Variants in SND1 observed in about 807,000 individuals in gnomAD.
SND1 encodes staphylococcal nuclease and tudor domain containing 1, also known as staphylococcal nuclease domain-containing protein 1.
Under a neutral mutation model 121.7 loss-of-function variants are expected in SND1, and 38 were observed. The ratio of observed to expected loss-of-function variants is 0.31; its 90% CI spans 0.24 to 0.41. The LOEUF (loss-of-function observed/expected upper bound fraction) is 0.41. Among genes scored for constraint, SND1 ranks in the 10% least tolerant of loss-of-function variants. SND1 has a pLI of 1.00. For missense variants in SND1, 868 were observed against 1,184.6 expected (o/e 0.73, Z 3.92); for synonymous variants, 401 against 447.4 (o/e 0.90, Z 1.31).
intron 10 of SND1, among the ~76,000 whole-genome samples, chr7:127,790,858 G>A (rs1005655402): frequency 1.3e-5 from 2 of 152,140 alleles, no homozygotes; most frequent in Non-Finnish European, 2.9e-5. Flanking sequence ...CACTGCTGTG[G>A]CAGTCACATC....
intron 1 of SND1, among the ~76,000 whole-genome samples, chr7:127,679,790 A>G (rs1418445800): frequency 6.6e-6 from 1 of 152,248 alleles, no homozygotes; most frequent in Non-Finnish European, 1.5e-5. Flanking sequence ...TCTGAATTAT[A>G]TTCCAATTGT....
At chr7:127,777,164 A>T (rs1797635652) in intron 10 of SND1, among the ~76,000 whole-genome samples, 1 of 152,212 alleles carries the variant, frequency 6.6e-6, no homozygotes. Flanking sequence ...GTTCCACTGC[A>T]TTTTATGATC....
At chr7:128,024,920 G>A (rs1449046017) in intron 16 of SND1, among the ~76,000 whole-genome samples, 1 of 152,164 alleles carries the variant, frequency 6.6e-6, no homozygotes, top group Non-Finnish European at 1.5e-5. Flanking sequence ...GGTCCAGTAG[G>A]TGTTTTAAGA....
intron 15 of SND1, among the ~76,000 whole-genome samples, chr7:127,983,478 A>G (rs2116905191): frequency 6.6e-6 from 1 of 152,246 alleles, no homozygotes; most frequent in East Asian, 1.9e-4. Context: ...AAACTAGATG[A>G]GATACTCTTG....
chr7:128,068,388 C>A (rs1793353755), intron 16 of SND1, among the ~76,000 whole-genome samples: 1 of 152,142 alleles, frequency 6.6e-6, no homozygotes, highest in South Asian at 2.1e-4. Context: ...CACTTCTCTT[C>A]CTTTCTCCAG....
chr7:127,983,712 T>C (rs1018077097), intron 15 of SND1, among the ~76,000 whole-genome samples: 1 of 152,128 alleles, frequency 6.6e-6, no homozygotes, highest in African/African-American at 2.4e-5. Flanking sequence ...TCAATAATAT[T>C]GAATATTATT....
At chr7:127,796,252 A>G (rs1584579353) in intron 10 of SND1, among the ~76,000 whole-genome samples, 1 of 152,264 alleles carries the variant, frequency 6.6e-6, no homozygotes, top group African/African-American at 2.4e-5. Flanking sequence ...CCTTCATTCT[A>G]TGAATTTGCT....
At chr7:127,783,835 A>C (rs894077395) in intron 10 of SND1, among the ~76,000 whole-genome samples, 1 of 152,230 alleles carries the variant, frequency 6.6e-6, no homozygotes, top group African/African-American at 2.4e-5. Context: ...TCATGTATGA[A>C]ATAGTATGGT....
intron 16 of SND1, chr7:128,030,423 A>G: frequency 6.2e-7 from 1 of 1,613,888 alleles, no homozygotes. Context: ...GTTCGAGGGA[A>G]TACCCTGCGG....
intron 15 of SND1, among the ~76,000 whole-genome samples, chr7:127,990,711 C>T (rs1370967482): frequency 1.3e-5 from 2 of 152,192 alleles, no homozygotes; most frequent in Admixed American, 1.3e-4. Context: ...TTCCCAGATG[C>T]TGTGGCTGAG....
chr7:127,777,700 G>A (rs1193117781), intron 10 of SND1, among the ~76,000 whole-genome samples: 2 of 152,182 alleles, frequency 1.3e-5, no homozygotes, highest in Non-Finnish European at 2.9e-5. Flanking sequence ...AAATCAGTTG[G>A]TTTTGAGATC....
chr7:127,842,920 G>A (rs1798989884), intron 11 of SND1, among the ~76,000 whole-genome samples: 1 of 152,104 alleles, frequency 6.6e-6, no homozygotes, highest in Admixed American at 6.5e-5. Context: ...TTAAATACAG[G>A]TTTTCAAAGT....
chr7:127,764,098 A>G (rs1219133040), intron 10 of SND1, among the ~76,000 whole-genome samples: 1 of 152,030 alleles, frequency 6.6e-6, no homozygotes, highest in East Asian at 1.9e-4. Flanking sequence ...AAAAGCATAA[A>G]TTGAAACCTA....
intron 1 of SND1, chr7:127,679,398 T>C (rs1269376125): frequency 1.3e-5 from 2 of 152,258 alleles, no homozygotes; most frequent in African/African-American, 2.4e-5. Context: ...ATACATTTTA[T>C]GTCCCCATGT....
chr7:128,017,241 T>C (rs1369931540), intron 16 of SND1, among the ~76,000 whole-genome samples: 1 of 152,178 alleles, frequency 6.6e-6, no homozygotes, highest in African/African-American at 2.4e-5. Context: ...AGGGAGGTTC[T>C]TCCCCCTGTT....
At chr7:127,854,419 C>T (rs920858618) in intron 12 of SND1, among the ~76,000 whole-genome samples, 34 of 152,268 alleles carry the variant, frequency 2.2e-4, no homozygotes, top group Middle Eastern at 3.4e-3. Flanking sequence ...TGAGCCACCA[C>T]TCCGGCCAGG....
Position 127,686,766 on chromosome 7 carries a change from G to T in SND1, c.228+4G>T, listed in dbSNP as rs752138379. 6.2e-7 allele frequency: 1 copy of T among 1,611,600 alleles called. No homozygotes were observed. Among genetic ancestry groups the T allele is most frequent in the Non-Finnish European group, 8.5e-7 (1 of 1,177,940 alleles). ...TGCAAAGGATACCCCTGATGAGGTA[G>T]GTGTTTCCTGAGGCCATCGTGAGCC... On this transcript the variant is annotated splice_donor_region_variant and intron_variant, in intron 2 of 23. Transcript: ENST00000354725.
chr7:128,037,473 C>T (rs769571753), intron 16 of SND1, among the ~76,000 whole-genome samples: 12 of 152,192 alleles, frequency 7.9e-5, no homozygotes, highest in Non-Finnish European at 1.2e-4. Flanking sequence ...TTCAAATTCC[C>T]GTCACAGGGT....
At chr7:128,031,294 G>A (rs1258233188) in intron 16 of SND1, among the ~76,000 whole-genome samples, 1 of 151,652 alleles carries the variant, frequency 6.6e-6, no homozygotes, top group Non-Finnish European at 1.5e-5. Flanking sequence ...GCCAAAGTGC[G>A]CTCCGGCGGC....
Sources: allele counts gnomAD v4.1 joint callset (sites outside exome capture counted in the v4.1 genomes callset), GRCh38; gene constraint gnomAD v4.1.1; transcripts MANE v1.5; gene names NCBI Gene and HGNC (gene_info 2026-07-23, HGNC 2026-07-21).